The following GRIK2 variants were observed in gnomAD, a reference collection of about 807,000 sequenced individuals.
The protein encoded by GRIK2 is glutamate receptor ionotropic, kainate 2.
In GRIK2, 32 loss-of-function variants were observed where a neutral mutation model predicts 100.3. That is an observed-to-expected ratio of 0.32 (90% CI 0.24 to 0.43). The LOEUF is 0.43. GRIK2 is among the 20% of genes least tolerant of loss of function. The probability of loss-of-function intolerance (pLI) is 1.00; values close to 1 mark genes in which losing one functional copy is unlikely to be tolerated. For synonymous variants in GRIK2, 417 were observed against 389.4 expected (o/e 1.07, Z -0.83); for missense variants, 843 against 1,114.9 (o/e 0.76, Z 3.47).
chr6:101,901,177 A>C (rs981034076), intron 12 of GRIK2, among the ~76,000 whole-genome samples: 1 of 151,966 alleles, frequency 6.6e-6, no homozygotes, highest in South Asian at 2.1e-4. Flanking sequence ...GTAAGAAATA[A>C]TTTTTTACAA....
chr6:101,869,830 A>G (rs1244002516), intron 11 of GRIK2, among the ~76,000 whole-genome samples: 4 of 151,778 alleles, frequency 2.6e-5, no homozygotes, highest in Non-Finnish European at 5.9e-5. Flanking sequence ...TTTTACCGGT[A>G]TAGAGGGGAA....
At chr6:101,923,658 C>T (rs1320200086) in intron 12 of GRIK2, among the ~76,000 whole-genome samples, 6 of 152,094 alleles carry the variant, frequency 3.9e-5, no homozygotes, top group African/African-American at 1.4e-4. Flanking sequence ...CGGTGGCTCA[C>T]GCCTGTAATC....
intron 16 of GRIK2, among the ~76,000 whole-genome samples, chr6:102,057,957 G>C (rs1365616939): frequency 6.6e-6 from 1 of 151,718 alleles, no homozygotes; most frequent in African/African-American, 2.4e-5. Context: ...ACAGAGCATA[G>C]CTTGTTTCTA....
intron 2 of GRIK2, among the ~76,000 whole-genome samples, chr6:101,409,017 C>T (rs994460677): frequency 2.6e-5 from 4 of 151,782 alleles, no homozygotes; most frequent in African/African-American, 9.7e-5. Flanking sequence ...GTACTATATA[C>T]ATCTTTGAGG....
At chr6:101,969,324 T>A (rs1792890905) in intron 14 of GRIK2, among the ~76,000 whole-genome samples, 1 of 151,956 alleles carries the variant, frequency 6.6e-6, no homozygotes, top group Non-Finnish European at 1.5e-5. Flanking sequence ...TGTTTATGCA[T>A]TTTTTAGTTC....
chr6:101,679,855 C>T (rs941813475), intron 5 of GRIK2, among the ~76,000 whole-genome samples: 6 of 152,154 alleles, frequency 3.9e-5, no homozygotes, highest in Non-Finnish European at 7.3e-5. Flanking sequence ...TTCTCTGCCT[C>T]GGCCTCCTGA....
At chr6:101,932,686 T>C (rs763605657) in intron 14 of GRIK2, among the ~76,000 whole-genome samples, 1 of 151,962 alleles carries the variant, frequency 6.6e-6, no homozygotes, top group Non-Finnish European at 1.5e-5. Context: ...AGAATAGGGA[T>C]TGAATGAATC....
At chr6:101,965,715 C>T (rs1792624356) in intron 14 of GRIK2, among the ~76,000 whole-genome samples, 1 of 151,862 alleles carries the variant, frequency 6.6e-6, no homozygotes, top group East Asian at 1.9e-4. Context: ...AAGCATCAGT[C>T]ATAAATTTGA....
intron 7 of GRIK2, among the ~76,000 whole-genome samples, chr6:101,792,874 T>C (rs1264854644): frequency 6.6e-6 from 1 of 152,160 alleles, no homozygotes; most frequent in African/African-American, 2.4e-5. Flanking sequence ...TCTTTTCACA[T>C]AGTCCCATAT....
intron 10 of GRIK2, among the ~76,000 whole-genome samples, chr6:101,825,983 A>G (rs1782300101): frequency 6.6e-6 from 1 of 152,056 alleles, no homozygotes; most frequent in Non-Finnish European, 1.5e-5. Context: ...CACATGCATC[A>G]AACCTCCTTC....
At chr6:101,951,052 G>A (rs1246070066) in intron 14 of GRIK2, among the ~76,000 whole-genome samples, 6 of 151,946 alleles carry the variant, frequency 3.9e-5, no homozygotes, top group Non-Finnish European at 8.8e-5. Context: ...CCAATGTTCT[G>A]TTGTGAATCG....
At chr6:101,544,611 CCTT>C (rs1776150089) in intron 2 of GRIK2, among the ~76,000 whole-genome samples, 3 of 152,200 alleles carry the variant, frequency 2.0e-5, no homozygotes, top group African/African-American at 7.2e-5. Flanking sequence ...CTGTAGTATA[CCTT>C]CTTCTTTATG....
intron 2 of GRIK2, among the ~76,000 whole-genome samples, chr6:101,577,835 A>G (rs1022211397): frequency 3.9e-5 from 6 of 152,182 alleles, no homozygotes; most frequent in Non-Finnish European, 8.8e-5. Context: ...CTTGAGAGAG[A>G]AGGGACCAAA....
At position 101,626,561 on chromosome 6, in the gene GRIK2, A is replaced by G. The variant is rs1350082778; in HGVS notation, c.465A>G (p.Ser155=). 6.2e-7 allele frequency: 1 copy of G among 1,613,780 alleles called. No homozygotes were observed. The highest frequency in any genetic ancestry group is 1.7e-5 in the Admixed American group (1 of 60,006). ...TCAGTCTCTACCCAGACTTCTCTTC[A>G]CTCAGCCGTGCCATTTTAGACCTGG... ...FYVSLYPDFS[S]LSRAILDLVQ... Residue 155 remains serine, a synonymous_variant, in exon 4 of 17, where the codon TCA becomes TCG. Transcript: ENST00000369134.
chr6:101,759,006 A>C (rs1168753402), intron 7 of GRIK2, among the ~76,000 whole-genome samples: 1 of 152,186 alleles, frequency 6.6e-6, no homozygotes, highest in Admixed American at 6.5e-5. Context: ...TCAGGGAAAA[A>C]GGACCAGTCT....
intron 2 of GRIK2, among the ~76,000 whole-genome samples, chr6:101,520,968 A>G (rs2128281385): frequency 6.6e-6 from 1 of 152,242 alleles, no homozygotes; most frequent in African/African-American, 2.4e-5. Flanking sequence ...TAGGAAGTTG[A>G]ATATCCAGGT....
At chr6:101,809,527 A>C (rs1295095945) in intron 9 of GRIK2, among the ~76,000 whole-genome samples, 1 of 151,978 alleles carries the variant, frequency 6.6e-6, no homozygotes, top group African/African-American at 2.4e-5. Context: ...GATTTCTAGA[A>C]CCGGATGCAC....
chr6:101,666,805 C>T lies in GRIK2; in HGVS notation c.542-9818C>T, dbSNP rs186477232. Reference sequence around the variant, plus strand: ...TAATGAAAACATTTTGATAAAGATACCCCTTACAGGACTGCAGGCAAGATT... The same window carrying T: ...TAATGAAAACATTTTGATAAAGATATCCCTTACAGGACTGCAGGCAAGATT... On this transcript the variant is annotated intron_variant, in intron 4 of 16. Coordinates refer to ENST00000369134, the MANE Select transcript of GRIK2 (RefSeq NM_021956.5). Among the ~76,000 whole-genome samples, 58 of 152,200 alleles carry T rather than the reference C, an allele frequency of 3.8e-4. 1 individual carries two copies. The highest frequency in any genetic ancestry group is 1.3e-3 in the African/African-American group (56 of 41,536).
chr6:101,848,224 C>T lies in GRIK2; in HGVS notation c.1318-11063C>T, dbSNP rs143744997. ...GCCACAGAGCTCTCCAACCAAGATT[C>T]TGTAGTTTTTCCCTTCACTAAACAT... is the stretch of plus-strand genomic sequence containing the variant. On this transcript the variant is annotated intron_variant, in intron 10 of 16. Transcript: ENST00000369134. Among the ~76,000 whole-genome samples the T allele has an allele frequency of 5.4e-4, 82 of 152,232 alleles. No homozygotes were observed. The East Asian group carries it at 9.5e-3, about 18-fold the overall frequency.
Sources: gnomAD v4.1 joint callset for allele counts (sites outside exome capture counted in the v4.1 genomes callset) on GRCh38, gnomAD v4.1.1 for gene constraint, MANE v1.5 for transcripts, NCBI Gene and HGNC (gene_info 2026-07-23, HGNC 2026-07-21) for gene names.